SLC25A36: variants seen among roughly 807,000 people sequenced by gnomAD.
The protein encoded by SLC25A36 is solute carrier family 25 member 36, also known as epididymis secretory sperm binding protein.
A neutral mutation model predicts 35.3 loss-of-function variants in SLC25A36; 24 were observed. The observed-to-expected ratio is 0.68, with a 90% CI of 0.49 to 0.96. The LOEUF is 0.96. Among genes scored for constraint, SLC25A36 ranks in the 40% least tolerant of loss-of-function variants. The probability of loss-of-function intolerance (pLI) is 0.00; values close to 1 mark genes in which losing one functional copy is unlikely to be tolerated. For missense variants in SLC25A36, 294 were observed against 381.1 expected, an observed-to-expected ratio of 0.77 and a Z score of 1.90; for synonymous variants, 141 against 132.2, an observed-to-expected ratio of 1.07 and a Z score of -0.46.
chr3:140,973,415 G>A (rs767161336), intron 5 of SLC25A36, among the ~76,000 whole-genome samples: 2 of 152,138 alleles, frequency 1.3e-5, no homozygotes, highest in Non-Finnish European at 2.9e-5. Flanking sequence ...CAGTCAGGGT[G>A]TATAGTTCCT....
chr3:140,953,983 A>G (rs1189599064), intron 1 of SLC25A36, among the ~76,000 whole-genome samples: 1 of 152,104 alleles, frequency 6.6e-6, no homozygotes, highest in Non-Finnish European at 1.5e-5. Context: ...AGAAAAAAAG[A>G]AAAGGGATAT....
At chr3:140,961,739 C>T (rs1934631914) in intron 3 of SLC25A36, among the ~76,000 whole-genome samples, 1 of 151,124 alleles carries the variant, frequency 6.6e-6, no homozygotes, top group Non-Finnish European at 1.5e-5. Context: ...GCCTGTAGTC[C>T]CAGCTGCTCA....
chr3:140,942,182 G>C (rs1207276422), intron 1 of SLC25A36, 87 bp downstream of exon 1: 3 of 121,690 alleles, frequency 2.5e-5, no homozygotes, highest in African/African-American at 1.1e-4. Context: ...GCCGAGGGGG[G>C]TGGGGGGGTG....
At chr3:140,973,044 C>T (rs150609811) in intron 5 of SLC25A36, 1 of 152,036 alleles carries the variant, frequency 6.6e-6, no homozygotes, top group African/African-American at 2.4e-5. Flanking sequence ...GTGCTGCCCC[C>T]TTAAGTAGAA....
Position 140,949,067 on chromosome 3 carries a change from A to G in SLC25A36, c.41+6972A>G, listed in dbSNP as rs539104821. On this transcript the variant is annotated intron_variant, in intron 1 of 6. Coordinates refer to ENST00000324194, the MANE Select transcript of SLC25A36 (RefSeq NM_001104647.3). ...TCTTTCTTACAAAACTTGTTTGCAC[A>G]GGGTTGTTTTATTTGTTTTGTTTTT... 2.0e-5 allele frequency among the ~76,000 whole-genome samples: 3 copies of G among 152,316 alleles called. No individual in the cohort carries two copies. The East Asian group carries it at 5.8e-4, about 29-fold the overall frequency.
At chr3:140,945,635 G>A (rs968801518) in intron 1 of SLC25A36, among the ~76,000 whole-genome samples, 10 of 151,752 alleles carry the variant, frequency 6.6e-5, no homozygotes, top group African/African-American at 2.4e-4. Context: ...CATTTGTCCT[G>A]ATGGTGCAAA....
At chr3:140,960,785 A>AT (rs145929747) in intron 3 of SLC25A36, among the ~76,000 whole-genome samples, 11,332 of 151,898 alleles carry the variant, frequency 0.075, 512 homozygotes, top group East Asian at 0.16. Flanking sequence ...AGTAGTTTTT[A>AT]AAAAAGTCAA....
chr3:140,966,350 C>G (rs1490312634), intron 4 of SLC25A36: 3 of 327,456 alleles, frequency 9.2e-6, no homozygotes, highest in Non-Finnish European at 1.9e-5. Context: ...TTTTGTAGAA[C>G]ACAAGAAATT....
At chr3:140,946,763 A>C (rs1433861391) in intron 1 of SLC25A36, among the ~76,000 whole-genome samples, 1 of 152,040 alleles carries the variant, frequency 6.6e-6, no homozygotes, top group East Asian at 1.9e-4. Flanking sequence ...GTGAGGGGAG[A>C]TCAGAAGCTC....
At chr3:140,943,521 T>A (rs1576473923) in intron 1 of SLC25A36, among the ~76,000 whole-genome samples, 1 of 152,382 alleles carries the variant, frequency 6.6e-6, no homozygotes, top group East Asian at 1.9e-4. Context: ...TTTAAAAAAA[T>A]TCTGTAGCTA....
chr3:140,960,735 A>G (rs529938059), intron 3 of SLC25A36, among the ~76,000 whole-genome samples: 4 of 152,356 alleles, frequency 2.6e-5, no homozygotes, highest in East Asian at 1.9e-4. Flanking sequence ...GCATGGCACC[A>G]TGTGTAGGTG....
chr3:140,943,828 C>G (rs1399704417), intron 1 of SLC25A36, among the ~76,000 whole-genome samples: 1 of 152,128 alleles, frequency 6.6e-6, no homozygotes, highest in East Asian at 1.9e-4. Context: ...CTTGATTGCA[C>G]TAATTTCCCA....
chr3:140,978,930 CT>C lies in SLC25A36; in HGVS notation c.*2483del, dbSNP rs1935121435. On this transcript the variant is annotated 3_prime_UTR_variant, in exon 7 of 7. Coordinates refer to ENST00000324194, the MANE Select transcript of SLC25A36 (RefSeq NM_001104647.3). Reference sequence around the variant, plus strand: ...AAAAACACATATTCAGAGCATTGGACTTTTTTAACTTGTTTTCATCTGTTTA... The same window carrying C: ...AAAAACACATATTCAGAGCATTGGACTTTTTAACTTGTTTTCATCTGTTTA... 1 of 152,098 alleles carries C rather than the reference CT, an allele frequency of 6.6e-6. No individual in the cohort carries two copies. The highest frequency in any genetic ancestry group is 1.5e-5 in the Non-Finnish European group (1 of 68,008). The allele number at this position is 152,098 out of a possible 1,614,324, so 9.4% of individuals were successfully genotyped here.
At chr3:140,945,082 C>A in intron 1 of SLC25A36, among the ~76,000 whole-genome samples, 1 of 152,096 alleles carries the variant, frequency 6.6e-6, no homozygotes, top group East Asian at 1.9e-4. Context: ...TTCTAACAGT[C>A]CTGAAGGCTG....
chr3:140,949,041 C>T (rs1420550469), intron 1 of SLC25A36, among the ~76,000 whole-genome samples: 1 of 152,196 alleles, frequency 6.6e-6, no homozygotes, highest in Non-Finnish European at 1.5e-5. Flanking sequence ...AGAGGCCTTG[C>T]TCTTTCTTAC....
chr3:140,944,203 C>T (rs571108216), intron 1 of SLC25A36, among the ~76,000 whole-genome samples: 2 of 152,170 alleles, frequency 1.3e-5, no homozygotes, highest in South Asian at 2.1e-4. Context: ...AAGGGTTTTC[C>T]GAATATGGAG....
Position 140,980,161 on chromosome 3 carries a change from A to T in SLC25A36, c.*3708A>T, listed in dbSNP as rs901956911. On this transcript the variant is annotated 3_prime_UTR_variant, in exon 7 of 7. Coordinates refer to ENST00000324194, the MANE Select transcript of SLC25A36 (RefSeq NM_001104647.3). The stretch of plus-strand genomic sequence containing the variant: ...GTAATCCAACTCCCTCATAGTGTAC[A>T]AAGAAATCTTGCATATCTTCCACAG... 8.5e-5 allele frequency among the ~76,000 whole-genome samples: 13 copies of T among 152,218 alleles called. No homozygotes were observed. The highest frequency in any genetic ancestry group is 3.1e-4 in the African/African-American group (13 of 41,458).
intron 2 of SLC25A36, 30 bp downstream of exon 2, chr3:140,956,721 T>C (rs770127825): frequency 6.4e-7 from 1 of 1,552,396 alleles, no homozygotes; most frequent in East Asian, 2.3e-5. Context: ...GAGTGTTTTT[T>C]AGTTTGTTTG....
Position 140,978,830 on chromosome 3 carries a change from AT to A in SLC25A36, c.*2378del, listed in dbSNP as rs1935118616. 6.6e-6 allele frequency: 1 copy of A among 152,218 alleles called. No individual in the cohort carries two copies. The highest frequency in any genetic ancestry group is 6.5e-5 in the Admixed American group (1 of 15,276). 9.4% of individuals were successfully genotyped at this position (152,218 alleles called of 1,614,324 possible). A position where few individuals can be genotyped will look rare whatever the true frequency, so the allele number is the denominator to read the frequency against. ...GATAATTCAAAAAGGAAAACTATAT[AT>A]AAAAGTTGTATATAAAGTTTGTCTC... On this transcript the variant is annotated 3_prime_UTR_variant, in exon 7 of 7. Transcript: ENST00000324194.
Sources: gnomAD v4.1 joint callset for allele counts (sites outside exome capture counted in the v4.1 genomes callset) on GRCh38, gnomAD v4.1.1 for gene constraint, MANE v1.5 for transcripts, NCBI Gene and HGNC (gene_info 2026-07-23, HGNC 2026-07-21) for gene names.